The following SCNN1B variants were observed in gnomAD, a reference collection of about 807,000 sequenced individuals.
SCNN1B encodes epithelial sodium channel subunit beta.
SCNN1B carries 46 observed loss-of-function variants against 65.3 expected under a neutral mutation model. That is an observed-to-expected ratio of 0.70 (90% CI 0.56 to 0.90). The LOEUF is 0.90. Ranked by LOEUF, SCNN1B falls within the 40% of genes least tolerant of loss-of-function variation. The pLI is 0.00. For missense variants in SCNN1B, 751 were observed against 830.5 expected, an observed-to-expected ratio of 0.90 and a Z score of 1.18; for synonymous variants, 349 against 330.6, an observed-to-expected ratio of 1.06 and a Z score of -0.60.
chr16:23,306,550 G>C (rs1961224150), intron 1 of SCNN1B, among the ~76,000 whole-genome samples: 1 of 152,230 alleles, frequency 6.6e-6, no homozygotes, highest in Non-Finnish European at 1.5e-5. Context: ...GAGGGAGAAG[G>C]AAGGAAAGTA....
chr16:23,313,020 T>C (rs1961376808), intron 1 of SCNN1B, among the ~76,000 whole-genome samples: 4 of 152,294 alleles, frequency 2.6e-5, no homozygotes, highest in Middle Eastern at 6.8e-3. Flanking sequence ...ATTTAGGGAG[T>C]GTTTCCTGAG....
Position 23,348,038 on chromosome 16 carries a change from C to T in SCNN1B, c.-8-554C>T, listed in dbSNP as rs927435541. Among the ~76,000 whole-genome samples, 3 of 152,222 alleles carry T rather than the reference C, an allele frequency of 2.0e-5. No homozygotes were observed. The highest frequency in any genetic ancestry group is 4.4e-5 in the Non-Finnish European group (3 of 68,042). On this transcript the variant is annotated intron_variant, in intron 1 of 12. Coordinates refer to ENST00000343070, the MANE Select transcript of SCNN1B (RefSeq NM_000336.3). This position sits in a 1 kb window ranked among gnomAD's most constrained non-coding sequence, Gnocchi z 4.5. ...AGGCCACAGGCGGGAACCCACCCTA[C>T]ACAGGACACATTCCATTGCAGAGCA...
intron 1 of SCNN1B, among the ~76,000 whole-genome samples, chr16:23,347,342 C>T (rs905991265): frequency 2.0e-5 from 3 of 151,926 alleles, no homozygotes; most frequent in African/African-American, 4.8e-5. Context: ...TTTTGTGCAT[C>T]GCCGAATTTC....
At chr16:23,339,694 TAG>T (rs916526815) in intron 1 of SCNN1B, among the ~76,000 whole-genome samples, 90 of 152,090 alleles carry the variant, frequency 5.9e-4, no homozygotes, top group Middle Eastern at 3.4e-3. Context: ...GCCTCCCAAG[TAG>T]CTGGGATTAC....
chr16:23,288,250 C>T (rs930976652), intron 2 of SCNN1B, among the ~76,000 whole-genome samples: 11 of 152,090 alleles, frequency 7.2e-5, no homozygotes, highest in Non-Finnish European at 1.6e-4. Flanking sequence ...GCCCCCGTAT[C>T]AGTTATATGA....
At chr16:23,368,956 C>T (rs1360426130) in intron 5 of SCNN1B, among the ~76,000 whole-genome samples, 1 of 152,120 alleles carries the variant, frequency 6.6e-6, no homozygotes, top group African/African-American at 2.4e-5. Flanking sequence ...TATATGATTC[C>T]AGTGAAGGTT....
chr16:23,298,501 G>A (rs33965581), upstream of SCNN1B, among the ~76,000 whole-genome samples: 3,740 of 152,308 alleles, frequency 0.025, 57 homozygotes, highest in Non-Finnish European at 0.035. Context: ...ACTTCCCGGC[G>A]TTGCCATGAC....
chr16:23,290,677 T>A (rs927976162), intron 2 of SCNN1B, among the ~76,000 whole-genome samples: 7 of 152,160 alleles, frequency 4.6e-5, no homozygotes, highest in African/African-American at 7.2e-5. Flanking sequence ...CCCCTACGTG[T>A]AAAAAATTTA....
At chr16:23,375,994 C>T in intron 8 of SCNN1B, 139 bp downstream of exon 8, 1 of 652,154 alleles carries the variant, frequency 1.5e-6, no homozygotes, top group East Asian at 2.7e-5. Flanking sequence ...GTCTGAGGTC[C>T]CTCCTATGAT....
intron 1 of SCNN1B, among the ~76,000 whole-genome samples, chr16:23,345,694 A>G (rs1350556537): frequency 6.6e-6 from 1 of 152,186 alleles, no homozygotes; most frequent in African/African-American, 2.4e-5. Context: ...AAGAGGAGAG[A>G]TCAGCCTGGC....
rs754382247 is a variant in SCNN1B at position 23,355,436 on chromosome 16, C to T, written c.723C>T (p.Pro241=). The T allele has an allele frequency of 6.2e-5, 100 of 1,614,062 alleles. No homozygotes were observed. The highest frequency in any genetic ancestry group is 7.7e-5 in the Non-Finnish European group (91 of 1,180,042). ...PQQELVEMSY[P]GEQMILACLF... ...AGGAGCTAGTAGAGATGAGCTACCC[C>T]GGCGAGCAGATGATCCTGGCCTGCC... The change falls in exon 4 of 13, where the codon CCC becomes CCT. Residue 241 remains proline (P), a synonymous_variant. Transcript: ENST00000343070.
chr16:23,305,566 AT>A (rs1961191994), intron 1 of SCNN1B, among the ~76,000 whole-genome samples: 4 of 38,504 alleles, frequency 1.0e-4, no homozygotes, highest in African/African-American at 3.2e-4. Context: ...ATATATATAT[AT>A]ATATATATAT....
At chr16:23,339,094 T>C (rs1036942569) in intron 1 of SCNN1B, among the ~76,000 whole-genome samples, 1 of 152,226 alleles carries the variant, frequency 6.6e-6, no homozygotes, top group Non-Finnish European at 1.5e-5. Flanking sequence ...TTAATTCATA[T>C]TTTCTAGGGG....
Position 23,377,258 on chromosome 16 carries a change from G to A in SCNN1B, c.1346+18G>A, listed in dbSNP as rs751641618. On this transcript the variant is annotated intron_variant, in intron 9 of 12. Coordinates refer to ENST00000343070, the MANE Select transcript of SCNN1B (RefSeq NM_000336.3). Reference sequence around the variant, plus strand: ...TCCTGCAAGTGAGTGCGGGTGGGCGGGCACAGCAGCGGGCAGGCATGGAGG... The same window carrying A: ...TCCTGCAAGTGAGTGCGGGTGGGCGAGCACAGCAGCGGGCAGGCATGGAGG... 1.9e-6 allele frequency: 3 copies of A among 1,614,024 alleles called. No homozygotes were observed. The African/African-American group carries it at 4.0e-5, about 22-fold the overall frequency.
intron 1 of SCNN1B, among the ~76,000 whole-genome samples, chr16:23,283,255 A>G (rs1960806530): frequency 6.6e-6 from 1 of 152,162 alleles, no homozygotes; most frequent in Admixed American, 6.6e-5. Flanking sequence ...TACCAAAAAG[A>G]CAAAAATTAG....
chr16:23,354,637 G>C (rs1962379300), intron 3 of SCNN1B, among the ~76,000 whole-genome samples: 1 of 152,230 alleles, frequency 6.6e-6, no homozygotes, highest in African/African-American at 2.4e-5. Flanking sequence ...GTTTCTTCTT[G>C]GTCTTCATGG....
intron 2 of SCNN1B, among the ~76,000 whole-genome samples, chr16:23,290,388 G>C (rs939296199): frequency 6.6e-6 from 1 of 152,110 alleles, no homozygotes; most frequent in Non-Finnish European, 1.5e-5. Context: ...GCTCACTGCA[G>C]CCTCAACCTC....
intron 1 of SCNN1B, among the ~76,000 whole-genome samples, chr16:23,339,455 C>T (rs1962008875): frequency 6.6e-6 from 1 of 151,834 alleles, no homozygotes; most frequent in Admixed American, 6.6e-5. Flanking sequence ...ACTATGTTAC[C>T]AAGGCTGGCC....
intron 1 of SCNN1B, among the ~76,000 whole-genome samples, chr16:23,322,536 C>A (rs1961610560): frequency 6.6e-6 from 1 of 151,974 alleles, no homozygotes; most frequent in Non-Finnish European, 1.5e-5. Context: ...ATCTTGAATT[C>A]CTGGCCTCAA....
Sources: gnomAD v4.1 joint callset for allele counts (sites outside exome capture counted in the v4.1 genomes callset) on GRCh38, gnomAD v4.1.1 for gene constraint, Gnocchi (gnomAD v3.1) non-coding constraint, MANE v1.5 for transcripts, NCBI Gene and HGNC (gene_info 2026-07-23, HGNC 2026-07-21) for gene names.